Variants in PARG observed in about 807,000 individuals in gnomAD.
PARG encodes the protein poly(ADP-ribose) glycohydrolase, also known as mitochondrial poly(ADP-ribose) glycohydrolase.
In PARG, 35 loss-of-function variants were observed where a neutral mutation model predicts 113.0. That is an observed-to-expected ratio of 0.31 (90% CI 0.24 to 0.41). PARG has a LOEUF of 0.41. PARG is among the 10% of genes least tolerant of loss of function. PARG has a pLI of 1.00. For synonymous variants in PARG, 330 were observed against 409.9 expected (o/e 0.81, Z 2.36); for missense variants, 797 against 1,169.4 (o/e 0.68, Z 4.64).
intron 7 of PARG, among the ~76,000 whole-genome samples, chr10:49,901,301 A>G (rs1848338217): frequency 6.6e-6 from 1 of 151,876 alleles, no homozygotes; most frequent in Non-Finnish European, 1.5e-5. Context: ...TTTTGTAGCA[A>G]TGGGGTCTCA....
chr10:49,824,632 A>C (rs930724868), intron 16 of PARG, among the ~76,000 whole-genome samples: 1 of 152,148 alleles, frequency 6.6e-6, no homozygotes, highest in Non-Finnish European at 1.5e-5. Flanking sequence ...CTCACACCAC[A>C]AGTGTGGTGT....
chr10:49,885,335 C>A (rs782735437), intron 7 of PARG, 40 bp from the exon 8 acceptor site: 28 of 1,199,644 alleles, frequency 2.3e-5, no homozygotes, highest in Middle Eastern at 2.8e-4. Context: ...TAACAATAAC[C>A]AGTAAATATA....
At chr10:49,903,366 T>C (rs2132758784) in intron 7 of PARG, among the ~76,000 whole-genome samples, 1 of 152,244 alleles carries the variant, frequency 6.6e-6, no homozygotes, top group Admixed American at 6.5e-5. Flanking sequence ...TTGCAAATGA[T>C]CAACTATCAC....
At chr10:49,939,670 G>A (rs2056636797) in intron 1 of PARG, among the ~76,000 whole-genome samples, 1 of 152,168 alleles carries the variant, frequency 6.6e-6, no homozygotes. Flanking sequence ...GCTCCTGTCT[G>A]CCACCCAGCC....
chr10:49,903,168 C>T (rs185133371), intron 7 of PARG, among the ~76,000 whole-genome samples: 260 of 152,046 alleles, frequency 1.7e-3, no homozygotes, highest in East Asian at 0.016. Flanking sequence ...TATGGACCTA[C>T]AGTCCCAGCT....
intron 15 of PARG, among the ~76,000 whole-genome samples, chr10:49,841,255 A>G (rs904616128): frequency 2.0e-5 from 3 of 151,940 alleles, no homozygotes; most frequent in African/African-American, 7.2e-5. Context: ...CTCCATCTCA[A>G]AAAAAAAGAA....
intron 16 of PARG, among the ~76,000 whole-genome samples, chr10:49,823,090 C>A (rs2132349423): frequency 6.6e-6 from 1 of 152,118 alleles, no homozygotes; most frequent in South Asian, 2.1e-4. Flanking sequence ...TATCAGTGTA[C>A]ATTTATGAAT....
chr10:49,824,419 A>G (rs1192637986), intron 16 of PARG, among the ~76,000 whole-genome samples: 3 of 152,256 alleles, frequency 2.0e-5, no homozygotes, highest in African/African-American at 4.8e-5. Flanking sequence ...ATGATATAAA[A>G]ACATCGAATT....
chr10:49,895,983 A>AT (rs1360310339), intron 7 of PARG, among the ~76,000 whole-genome samples: 1 of 152,102 alleles, frequency 6.6e-6, no homozygotes. Flanking sequence ...TCTAATAGTT[A>AT]TTTTTTAGGT....
At chr10:49,901,973 G>A (rs1827659080) in intron 7 of PARG, among the ~76,000 whole-genome samples, 1 of 152,110 alleles carries the variant, frequency 6.6e-6, no homozygotes, top group Non-Finnish European at 1.5e-5. Flanking sequence ...GCCACATGTG[G>A]CATTTGAAAT....
At chr10:49,906,425 T>C (rs1312049495) in intron 7 of PARG, among the ~76,000 whole-genome samples, 1 of 152,156 alleles carries the variant, frequency 6.6e-6, no homozygotes, top group African/African-American at 2.4e-5. Flanking sequence ...GTTTTTACGA[T>C]GAATCTTCCC....
At chr10:49,900,895 A>G (rs1848320897) in intron 7 of PARG, among the ~76,000 whole-genome samples, 1 of 152,196 alleles carries the variant, frequency 6.6e-6, no homozygotes, top group African/African-American at 2.4e-5. Flanking sequence ...ATTATTATCC[A>G]TCTTTATAGA....
chr10:49,868,062 A>G (rs1588920491), intron 10 of PARG, among the ~76,000 whole-genome samples: 1 of 152,304 alleles, frequency 6.6e-6, no homozygotes, highest in East Asian at 1.9e-4. Flanking sequence ...ATCTCAGCTC[A>G]CTGCAACCTC....
intron 6 of PARG, among the ~76,000 whole-genome samples, chr10:49,920,466 ATATATATATATAT>A (rs1837758585): frequency 7.1e-5 from 5 of 70,674 alleles, no homozygotes; most frequent in South Asian, 4.5e-4. Flanking sequence ...AAAAAAAAAT[ATATATATATATAT>A]ATATATATAT....
At chr10:49,830,355 C>G (rs1228246362) in intron 16 of PARG, among the ~76,000 whole-genome samples, 2 of 152,040 alleles carry the variant, frequency 1.3e-5, no homozygotes, top group African/African-American at 4.8e-5. Context: ...TCCTCAAACA[C>G]CGAAAATAGC....
chr10:49,929,401 C>T (rs1159945460), intron 4 of PARG, among the ~76,000 whole-genome samples: 1 of 151,784 alleles, frequency 6.6e-6, no homozygotes, highest in Non-Finnish European at 1.5e-5. Context: ...AATAATGCAA[C>T]CTTCTATTTT....
At chr10:49,927,509 C>T (rs1159681425) in intron 4 of PARG, among the ~76,000 whole-genome samples, 1 of 151,560 alleles carries the variant, frequency 6.6e-6, no homozygotes, top group East Asian at 1.9e-4. Context: ...GAAAAAAGGA[C>T]CTATGAAAAA....
rs58141680 is a variant in PARG at position 49,894,204 on chromosome 10, ATTTTTTT to A, written c.1738-8916_1738-8910del. ...ATGTGCCACCATGCCCAGCTAATTA[ATTTTTTT>A]TTTTTTTTTTTGTAGAGACAAGGTC... On this transcript the variant is annotated intron_variant, in intron 7 of 17. Coordinates refer to ENST00000616448, the MANE Select transcript of PARG (RefSeq NM_003631.5). 4.5e-5 allele frequency among the ~76,000 whole-genome samples: 6 copies of A among 133,606 alleles called. No homozygotes were observed. In the Admixed American group the frequency reaches 4.6e-4, roughly 10 times the overall value. The allele number at this position is 133,606 out of a possible 152,430, so 87.7% of individuals were successfully genotyped here. A position where few individuals can be genotyped will look rare whatever the true frequency, so the allele number is the denominator to read the frequency against.
chr10:49,825,729 G>C (rs1844320598), intron 16 of PARG, among the ~76,000 whole-genome samples: 1 of 152,104 alleles, frequency 6.6e-6, no homozygotes, highest in African/African-American at 2.4e-5. Context: ...TATAAACCTT[G>C]GTTTCTCATT....
Sources: gnomAD v4.1 joint callset for allele counts (sites outside exome capture counted in the v4.1 genomes callset) on GRCh38, gnomAD v4.1.1 for gene constraint, MANE v1.5 for transcripts, NCBI Gene and HGNC (gene_info 2026-07-23, HGNC 2026-07-21) for gene names.